NFIB: variants seen among roughly 807,000 people sequenced by gnomAD.
NFIB encodes the protein nuclear factor 1 B-type.
NFIB carries 11 observed loss-of-function variants against 61.5 expected under a neutral mutation model. The ratio of observed to expected loss-of-function variants is 0.18; its 90% CI spans 0.11 to 0.30. The LOEUF is 0.30. Among genes scored for constraint, NFIB ranks in the 10% least tolerant of loss-of-function variants. The probability of loss-of-function intolerance (pLI) is 1.00; values close to 1 mark genes in which losing one functional copy is unlikely to be tolerated. For missense variants in NFIB, 471 were observed against 608.9 expected (o/e 0.77, Z 2.38); for synonymous variants, 260 against 216.5 (o/e 1.20, Z -1.76).
intron 2 of NFIB, among the ~76,000 whole-genome samples, chr9:14,251,738 C>T (rs1011907883): frequency 2.6e-5 from 4 of 152,196 alleles, no homozygotes; most frequent in Admixed American, 1.3e-4. Flanking sequence ...AAATCCTGCA[C>T]GGGCATCCTG....
At chr9:14,098,205 G>T (rs2035176365) in intron 10 of NFIB, among the ~76,000 whole-genome samples, 1 of 152,106 alleles carries the variant, frequency 6.6e-6, no homozygotes, top group South Asian at 2.1e-4. Context: ...CAAATGGTTT[G>T]TGTAAACATA....
intron 2 of NFIB, among the ~76,000 whole-genome samples, chr9:14,212,745 G>A (rs897617971): frequency 1.3e-5 from 2 of 151,958 alleles, no homozygotes; most frequent in Non-Finnish European, 2.9e-5. Context: ...AAAAAATACT[G>A]CTCACACTTA....
At chr9:14,225,436 G>A (rs1253845921) in intron 2 of NFIB, among the ~76,000 whole-genome samples, 13 of 112,292 alleles carry the variant, frequency 1.2e-4, no homozygotes, top group Non-Finnish European at 1.9e-4. Flanking sequence ...CAGCCTGGGC[G>A]ACAGAGCGAG....
At chr9:14,479,751 A>C in the NFIB span, among the ~76,000 whole-genome samples, 1 of 152,252 alleles carries the variant, frequency 6.6e-6, no homozygotes, top group Admixed American at 6.5e-5. Flanking sequence ...ATATTAAGGC[A>C]GTCTGTAGCA....
chr9:14,527,219 G>A, the NFIB span, among the ~76,000 whole-genome samples: 1 of 152,062 alleles, frequency 6.6e-6, no homozygotes, highest in East Asian at 1.9e-4. Context: ...ATTTCTCTGT[G>A]ACAAAATTTG....
intron 7 of NFIB, among the ~76,000 whole-genome samples, chr9:14,121,831 T>C (rs1451552786): frequency 2.0e-5 from 3 of 152,162 alleles, no homozygotes; most frequent in South Asian, 2.1e-4. Context: ...AATTTTACTA[T>C]AACTTCTCAA....
At chr9:14,227,802 G>C (rs942761111) in intron 2 of NFIB, among the ~76,000 whole-genome samples, 1 of 152,068 alleles carries the variant, frequency 6.6e-6, no homozygotes, top group Non-Finnish European at 1.5e-5. Flanking sequence ...GTTTAATAAC[G>C]TGCCCAAGTT....
the NFIB span, among the ~76,000 whole-genome samples, chr9:14,471,723 C>T: frequency 6.6e-6 from 1 of 152,184 alleles, no homozygotes; most frequent in Non-Finnish European, 1.5e-5. Flanking sequence ...GTCACAGGGC[C>T]TTGGAACTCA....
intron 2 of NFIB, chr9:14,305,915 CT>C: frequency 8.2e-7 from 1 of 1,215,834 alleles, no homozygotes; most frequent in Non-Finnish European, 1.1e-6. Context: ...CTTCAGTCTA[CT>C]TTTGGTATGC....
At chr9:14,426,620 C>T in the NFIB span, among the ~76,000 whole-genome samples, 1 of 152,266 alleles carries the variant, frequency 6.6e-6, no homozygotes, top group East Asian at 1.9e-4. Flanking sequence ...ATTTTTCTGT[C>T]CCAACCAGCT....
At chr9:14,218,497 G>A (rs2051218674) in intron 2 of NFIB, among the ~76,000 whole-genome samples, 1 of 152,142 alleles carries the variant, frequency 6.6e-6, no homozygotes, top group African/African-American at 2.4e-5. Context: ...GAAGGTGCAT[G>A]GCAAACAGCA....
chr9:14,464,927 C>T, the NFIB span, among the ~76,000 whole-genome samples: 5 of 152,010 alleles, frequency 3.3e-5, no homozygotes, highest in Non-Finnish European at 7.4e-5. Flanking sequence ...TGACACAGTA[C>T]CTGTCATGTG....
chr9:14,186,197 G>C (rs748656390), intron 2 of NFIB, among the ~76,000 whole-genome samples: 9 of 152,112 alleles, frequency 5.9e-5, no homozygotes, highest in Non-Finnish European at 1.2e-4. Context: ...TAACAATATA[G>C]CTTTTATATC....
intron 2 of NFIB, among the ~76,000 whole-genome samples, chr9:14,192,843 C>T (rs1281161624): frequency 2.0e-5 from 3 of 152,082 alleles, no homozygotes; most frequent in Admixed American, 1.3e-4. Flanking sequence ...TGAAATTCCT[C>T]CTATTGGACT....
At chr9:14,342,547 C>T (rs184347350) in intron 1 of NFIB, among the ~76,000 whole-genome samples, 20 of 152,112 alleles carry the variant, frequency 1.3e-4, no homozygotes, top group East Asian at 9.7e-4. Flanking sequence ...AAGGAAGGCT[C>T]GTTTATTGAA....
chr9:14,182,440 T>C (rs144528026), intron 2 of NFIB, among the ~76,000 whole-genome samples: 3 of 152,282 alleles, frequency 2.0e-5, no homozygotes, highest in Non-Finnish European at 2.9e-5. Flanking sequence ...TCTAACACTA[T>C]AATCTACTCT....
rs561193023 is a variant in NFIB at position 14,333,378 on chromosome 9, A to G, written c.109-25858T>C. Among the ~76,000 whole-genome samples the G allele has an allele frequency of 5.9e-5, 9 of 152,310 alleles. No homozygotes were observed. The South Asian group carries it at 1.7e-3, about 28-fold the overall frequency. ...GGTTCTAGAGCCTTAGCTCTTAGCC[A>G]TGAATTATAAGCAGACTTTTTCTTC... On this transcript the variant is annotated intron_variant, in intron 1 of 8. Coordinates refer to the NFIB transcript ENST00000380934.
At chr9:14,279,129 A>G (rs1283537917) in intron 2 of NFIB, among the ~76,000 whole-genome samples, 1 of 152,104 alleles carries the variant, frequency 6.6e-6, no homozygotes, top group Non-Finnish European at 1.5e-5. Flanking sequence ...ACACGTTATC[A>G]AAATTTATCC....
chr9:14,127,345 A>T (rs1198934141), intron 6 of NFIB, among the ~76,000 whole-genome samples: 1 of 152,190 alleles, frequency 6.6e-6, no homozygotes, highest in African/African-American at 2.4e-5. Context: ...TTTGTATTTT[A>T]TTATGAAAAA....
Sources: allele counts gnomAD v4.1 joint callset (sites outside exome capture counted in the v4.1 genomes callset), GRCh38; gene constraint gnomAD v4.1.1; transcripts MANE v1.5; gene names NCBI Gene and HGNC (gene_info 2026-07-23, HGNC 2026-07-21).